GNAT3: variants seen among roughly 807,000 people sequenced by gnomAD.
GNAT3 encodes G protein subunit alpha transducin 3, also known as guanine nucleotide-binding protein G(t) subunit alpha-3.
A neutral mutation model predicts 37.7 loss-of-function variants in GNAT3; 31 were observed. The ratio of observed to expected loss-of-function variants is 0.82; its 90% confidence interval spans 0.62 to 1.11. The LOEUF (loss-of-function observed/expected upper bound fraction) is 1.11. Among genes scored for constraint, GNAT3 ranks in the 50% most tolerant of loss-of-function variants. The pLI is 0.00. For missense variants in GNAT3, 437 were observed against 412.5 expected, an observed-to-expected ratio of 1.06 and a Z score of -0.51; for synonymous variants, 138 against 139.8, an observed-to-expected ratio of 0.99 and a Z score of 0.09.
intron 7 of GNAT3, among the ~76,000 whole-genome samples, chr7:80,461,245 T>A (rs1790044082): frequency 6.6e-6 from 1 of 152,146 alleles, no homozygotes; most frequent in South Asian, 2.1e-4. Context: ...GGATTTGTAT[T>A]TTTGTTTAAA....
intron 3 of GNAT3, among the ~76,000 whole-genome samples, chr7:80,480,631 G>A (rs552336191): frequency 1.3e-5 from 2 of 152,244 alleles, no homozygotes; most frequent in East Asian, 3.9e-4. Context: ...TTGATGATAT[G>A]CTAAACAAGG....
intron 2 of GNAT3, among the ~76,000 whole-genome samples, chr7:80,490,112 ATTTTC>A (rs1790564526): frequency 6.6e-6 from 1 of 152,132 alleles, no homozygotes; most frequent in South Asian, 2.1e-4. Flanking sequence ...TTTACTGTGC[ATTTTC>A]TGTGACATAC....
chr7:80,490,956 G>A (rs1209682879), intron 2 of GNAT3, among the ~76,000 whole-genome samples: 7 of 152,054 alleles, frequency 4.6e-5, no homozygotes, highest in East Asian at 1.9e-4. Context: ...TGAAGACATC[G>A]GCAAGAACTG....
At chr7:80,464,037 T>A (rs1238735205) in intron 5 of GNAT3, among the ~76,000 whole-genome samples, 1 of 151,804 alleles carries the variant, frequency 6.6e-6, no homozygotes, top group Non-Finnish European at 1.5e-5. Context: ...GCACTTATTA[T>A]ATGCCAGGCA....
At chr7:80,489,013 T>C (rs888944698) in intron 2 of GNAT3, among the ~76,000 whole-genome samples, 1 of 152,144 alleles carries the variant, frequency 6.6e-6, no homozygotes, top group African/African-American at 2.4e-5. Context: ...AGGACAAAGA[T>C]ATATACAGAG....
intron 1 of GNAT3, among the ~76,000 whole-genome samples, chr7:80,498,449 A>G (rs1370461040): frequency 1.3e-5 from 2 of 152,176 alleles, no homozygotes; most frequent in Non-Finnish European, 2.9e-5. Flanking sequence ...TCAGTCTTCT[A>G]TGTAAAGGTC....
chr7:80,509,135 G>A (rs1791008024), intron 1 of GNAT3, among the ~76,000 whole-genome samples: 1 of 151,954 alleles, frequency 6.6e-6, no homozygotes. Context: ...GAAAGTTTTG[G>A]TTTAGTTCAA....
intron 7 of GNAT3, among the ~76,000 whole-genome samples, chr7:80,461,599 A>AATAT (rs1790051516): frequency 6.6e-6 from 1 of 152,190 alleles, no homozygotes; most frequent in East Asian, 1.9e-4. Flanking sequence ...TAAATAAATA[A>AATAT]ATAAATAAAA....
At chr7:80,497,723 A>G (rs1289180471) in intron 1 of GNAT3, among the ~76,000 whole-genome samples, 1 of 151,620 alleles carries the variant, frequency 6.6e-6, no homozygotes, top group Non-Finnish European at 1.5e-5. Flanking sequence ...GGGGATGTGG[A>G]AGAAAAGTCA....
chr7:80,458,829 T>G lies in GNAT3; in HGVS notation c.907A>C (p.Ile303Leu). The G allele has an allele frequency of 6.3e-7, 1 of 1,590,356 alleles. No individual in the cohort carries two copies. ...TTCAGGTCTAGAAACTGGTTCTTGA[T>G]GTAGTTTCCTGCATCTTCAAATGTA... ...PNTFEDAGNY[I>L]KNQFLDLNLK... Residue 303 changes from isoleucine (I) to leucine (L), a missense_variant, in exon 8 of 8, where the codon ATC (isoleucine) becomes CTC (leucine). Coordinates refer to ENST00000398291, the MANE Select transcript of GNAT3 (RefSeq NM_001102386.3).
At chr7:80,502,325 G>A (rs546349137) in intron 1 of GNAT3, among the ~76,000 whole-genome samples, 2 of 151,962 alleles carry the variant, frequency 1.3e-5, no homozygotes, top group South Asian at 4.2e-4. Flanking sequence ...GAGCTTTCTT[G>A]GATTGTGAGA....
intron 3 of GNAT3, among the ~76,000 whole-genome samples, chr7:80,484,453 A>C (rs1790443146): frequency 6.6e-6 from 1 of 152,082 alleles, no homozygotes; most frequent in African/African-American, 2.4e-5. Context: ...CATCTTGAGG[A>C]ATCAGTGCTT....
chr7:80,509,803 T>G (rs780553566), intron 1 of GNAT3, among the ~76,000 whole-genome samples: 5 of 152,162 alleles, frequency 3.3e-5, no homozygotes, highest in Admixed American at 2.0e-4. Context: ...TGTGTTTTCA[T>G]TCATCTATAT....
intron 2 of GNAT3, among the ~76,000 whole-genome samples, chr7:80,489,068 C>T (rs1025646697): frequency 1.3e-5 from 2 of 151,980 alleles, no homozygotes; most frequent in South Asian, 2.1e-4. Flanking sequence ...CTAGAGGAAG[C>T]GAAGTCATTT....
chr7:80,465,030 T>C (rs1202004556), intron 5 of GNAT3, among the ~76,000 whole-genome samples: 1 of 152,098 alleles, frequency 6.6e-6, no homozygotes, highest in Admixed American at 6.6e-5. Flanking sequence ...AAAGTTTGAC[T>C]TTACGGTTAT....
chr7:80,484,045 CA>C (rs1790435546), intron 3 of GNAT3, among the ~76,000 whole-genome samples: 1 of 152,020 alleles, frequency 6.6e-6, no homozygotes. Flanking sequence ...CATAGGTATA[CA>C]TGTGCTATGG....
intron 1 of GNAT3, among the ~76,000 whole-genome samples, chr7:80,511,531 T>C (rs1044607157): frequency 1.1e-4 from 16 of 152,122 alleles, no homozygotes; most frequent in African/African-American, 3.6e-4. Context: ...AATAAATGTA[T>C]CTGATTTTTA....
At chr7:80,493,548 C>T (rs116678377) in intron 2 of GNAT3, among the ~76,000 whole-genome samples, 3,155 of 152,130 alleles carry the variant, frequency 0.021, 121 homozygotes, top group African/African-American at 0.071. Flanking sequence ...GATCCTTTAA[C>T]ATATAATTTA....
chr7:80,492,009 A>G (rs1447174965), intron 2 of GNAT3, among the ~76,000 whole-genome samples: 2 of 152,168 alleles, frequency 1.3e-5, no homozygotes, highest in Non-Finnish European at 2.9e-5. Context: ...ATTTTAAAAA[A>G]GTATCTATTT....
Sources: gnomAD v4.1 joint callset for allele counts (sites outside exome capture counted in the v4.1 genomes callset) on GRCh38, gnomAD v4.1.1 for gene constraint, MANE v1.5 for transcripts, NCBI Gene and HGNC (gene_info 2026-07-23, HGNC 2026-07-21) for gene names.